PLCH1: variants seen among roughly 807,000 people sequenced by gnomAD.
The protein encoded by PLCH1 is phospholipase C eta 1, also known as 1-phosphatidylinositol 4,5-bisphosphate phosphodiesterase eta-1.
PLCH1 carries 60 observed loss-of-function variants against 126.7 expected under a neutral mutation model. The observed-to-expected ratio is 0.47, with a 90% CI of 0.38 to 0.59. The LOEUF is 0.59. PLCH1 is among the 20% of genes least tolerant of loss of function. The probability of loss-of-function intolerance (pLI) is 0.00; values close to 1 mark genes in which losing one functional copy is unlikely to be tolerated. For synonymous variants in PLCH1, 719 were observed against 734.9 expected, an observed-to-expected ratio of 0.98 and a Z score of 0.35; for missense variants, 1,723 against 2,040.0, an observed-to-expected ratio of 0.84 and a Z score of 2.99.
At chr3:155,591,894 T>TG (rs1423421524) in intron 4 of PLCH1, among the ~76,000 whole-genome samples, 8 of 152,034 alleles carry the variant, frequency 5.3e-5, no homozygotes, top group Non-Finnish European at 1.2e-4. Context: ...TTTGTAAAGA[T>TG]GGGGTCTCAC....
chr3:155,706,477 G>A (rs564458847), intron 1 of PLCH1, among the ~76,000 whole-genome samples: 45 of 151,792 alleles, frequency 3.0e-4, no homozygotes, highest in Non-Finnish European at 5.4e-4. Flanking sequence ...AAAATTAGCC[G>A]GGCATGGTGG....
intron 22 of PLCH1, chr3:155,483,422 AAAC>A: frequency 7.1e-7 from 1 of 1,417,682 alleles, no homozygotes; most frequent in Non-Finnish European, 9.6e-7. Context: ...CAGCTCTGTT[AAAC>A]AAAGCATTGT....
intron 21 of PLCH1, among the ~76,000 whole-genome samples, chr3:155,461,055 G>GT (rs1351776562): frequency 6.6e-6 from 1 of 152,212 alleles, no homozygotes; most frequent in African/African-American, 2.4e-5. Context: ...AAGGACAGCA[G>GT]TAAATCTTCA....
chr3:155,595,977 AAT>A (rs10587508), intron 3 of PLCH1, among the ~76,000 whole-genome samples: 90,978 of 149,900 alleles, frequency 0.61, 28,794 homozygotes, highest in Middle Eastern at 0.75. Flanking sequence ...ATTCCAACTA[AAT>A]ATATATATAT....
At chr3:155,504,720 C>G in intron 12 of PLCH1, 94 bp from the exon 13 acceptor site, 1 of 777,474 alleles carries the variant, frequency 1.3e-6, no homozygotes, top group Non-Finnish European at 2.2e-6. Flanking sequence ...CCTCTTTTCT[C>G]TTCTGTTTGC....
At chr3:155,683,844 T>C (rs1017994003) in intron 2 of PLCH1, among the ~76,000 whole-genome samples, 1 of 152,220 alleles carries the variant, frequency 6.6e-6, no homozygotes, top group Non-Finnish European at 1.5e-5. Flanking sequence ...GTACTTGGGA[T>C]GCACTTTCCC....
Position 155,581,862 on chromosome 3 carries a change from G to C in PLCH1, c.771+1610C>G, listed in dbSNP as rs921662209. 6.7e-5 allele frequency among the ~76,000 whole-genome samples: 10 copies of C among 149,554 alleles called. No homozygotes were observed. The Admixed American group carries it at 6.7e-4, about 10-fold the overall frequency. On this transcript the variant is annotated intron_variant, in intron 6 of 22. Transcript: ENST00000460012. ...CTTGGGTTCGTTCAAGCATTCTCCC[G>C]TCTCAGCCTCCCGAATAGCTGGGAT...
chr3:155,583,422 C>G, intron 6 of PLCH1, 50 bp downstream of exon 6: 1 of 1,417,592 alleles, frequency 7.1e-7, no homozygotes, highest in Non-Finnish European at 9.6e-7. Flanking sequence ...AAAGACATAT[C>G]TTTCATGAGT....
chr3:155,500,832 G>A (rs1717785521), intron 13 of PLCH1, 38 bp from the exon 14 acceptor site: 1 of 1,287,028 alleles, frequency 7.8e-7, no homozygotes, highest in Non-Finnish European at 1.1e-6. Flanking sequence ...CAAACTCATT[G>A]TATCAAGTAT....
At chr3:155,475,444 A>C (rs547362624), downstream of PLCH1, among the ~76,000 whole-genome samples, 11 of 152,154 alleles carry the variant, frequency 7.2e-5, no homozygotes, top group African/African-American at 2.4e-4. Context: ...ACCCAAAATT[A>C]GTAGAAAAAA....
rs78808551 is a variant in PLCH1, at chr3:155,462,179, A to G, written c.2938+23177T>C. On this transcript the variant is annotated intron_variant, in intron 21 of 21. Transcript: ENST00000494598. ...ACTAGTTTAACAAACCCTGATTGCT[A>G]TGAGAGGTTGGGGTTGTTGCTACCA... Among the ~76,000 whole-genome samples the G allele has an allele frequency of 2.5e-3, 386 of 152,338 alleles. 2 individuals carry two copies. The highest frequency in any genetic ancestry group is 3.1e-3 in the Non-Finnish European group (209 of 68,026).
chr3:155,483,461 G>A, intron 22 of PLCH1: 1 of 815,630 alleles, frequency 1.2e-6, no homozygotes, highest in Non-Finnish European at 1.9e-6. Flanking sequence ...GATACTATAA[G>A]CTTTCAAAGT....
At chr3:155,692,426 T>C (rs1249926059) in intron 2 of PLCH1, among the ~76,000 whole-genome samples, 1 of 151,452 alleles carries the variant, frequency 6.6e-6, no homozygotes, top group Non-Finnish European at 1.5e-5. Flanking sequence ...CACCTGAAGA[T>C]AGATAAATAT....
At chr3:155,702,463 C>T (rs1286503672) in intron 2 of PLCH1, among the ~76,000 whole-genome samples, 1 of 152,024 alleles carries the variant, frequency 6.6e-6, no homozygotes, top group Non-Finnish European at 1.5e-5. Context: ...TTTAGTTACC[C>T]CATTCATAAA....
chr3:155,489,782 C>T (rs185590852), intron 19 of PLCH1, among the ~76,000 whole-genome samples: 44 of 152,270 alleles, frequency 2.9e-4, no homozygotes, highest in Non-Finnish European at 5.9e-5. Flanking sequence ...TGTTTTTCTT[C>T]CTTTCTAAAA....
At position 155,485,617 on chromosome 3, in the gene PLCH1, T is replaced by C; in HGVS notation, c.2713A>G (p.Ile905Val). 1 of 1,613,498 alleles carries C rather than the reference T, an allele frequency of 6.2e-7. No homozygotes were observed. The highest frequency in any genetic ancestry group is 8.5e-7 in the Non-Finnish European group (1 of 1,180,006). ...GTGCGTCGCAGAATTCTATCTCCAATGGATCGCTTCCGTACATAATGGGAA... is the reference window on the plus strand; with the variant it reads ...GTGCGTCGCAGAATTCTATCTCCAACGGATCGCTTCCGTACATAATGGGAA... The part of the protein sequence containing the change: ...NNSHYVRKRS[I>V]GDRILRRTAS... The change falls in exon 22 of 23, where the codon ATT (isoleucine) becomes GTT (valine). Residue 905 changes from isoleucine to valine, a missense_variant. Ile to Val is a conservative substitution (Grantham distance 29, BLOSUM62 3). Transcript: ENST00000460012.
At chr3:155,540,651 T>A (rs1576953297) in intron 10 of PLCH1, among the ~76,000 whole-genome samples, 1 of 152,162 alleles carries the variant, frequency 6.6e-6, no homozygotes, top group East Asian at 1.9e-4. Flanking sequence ...ATGCTCAACA[T>A]CACTAATAAT....
chr3:155,607,342 AG>A (rs1170865322), intron 2 of PLCH1, among the ~76,000 whole-genome samples: 1 of 152,254 alleles, frequency 6.6e-6, no homozygotes, highest in Non-Finnish European at 1.5e-5. Context: ...ATTGGCTTAA[AG>A]AAAAATAAGT....
chr3:155,655,783 AAGGGT>A (rs1446478194), intron 2 of PLCH1, among the ~76,000 whole-genome samples: 2 of 152,246 alleles, frequency 1.3e-5, no homozygotes, highest in Non-Finnish European at 2.9e-5. Flanking sequence ...TCCAAAAAGA[AAGGGT>A]CCCACCCAAA....
Sources: allele counts gnomAD v4.1 joint callset (sites outside exome capture counted in the v4.1 genomes callset), GRCh38; gene constraint gnomAD v4.1.1; transcripts MANE v1.5; gene names NCBI Gene and HGNC (gene_info 2026-07-23, HGNC 2026-07-21).